Variants in POU2F2 observed in about 807,000 individuals in gnomAD.
POU2F2 encodes the protein POU class 2 homeobox 2.
A neutral mutation model predicts 63.5 loss-of-function variants in POU2F2; 14 were observed. The ratio of observed to expected loss-of-function variants is 0.22; its 90% confidence interval spans 0.15 to 0.34. The LOEUF (loss-of-function observed/expected upper bound fraction) is 0.34. POU2F2 is among the 10% of genes least tolerant of loss of function. POU2F2 has a pLI of 1.00. For synonymous variants in POU2F2, 306 were observed against 348.6 expected (o/e 0.88, Z 1.36); for missense variants, 607 against 815.2 (o/e 0.74, Z 3.11).
chr19:42,095,268 C>G lies in POU2F2; in HGVS notation c.1197+18G>C, dbSNP rs757969104. 5.0e-6 allele frequency: 8 copies of G among 1,606,850 alleles called. No individual in the cohort carries two copies. The highest frequency in any genetic ancestry group is 1.7e-5 in the Admixed American group (1 of 59,160). On this transcript the variant is annotated intron_variant, in intron 11 of 14. Coordinates refer to ENST00000692977, the MANE Select transcript of POU2F2 (RefSeq NM_001394376.1). This position sits in a 1 kb window ranked among gnomAD's most constrained non-coding sequence, Gnocchi z 7.1. ...GGAGCTCTGTGGTCTCCCCACCCCC[C>G]AGGCGGGCTCTTGGTACCATATGGG...
chr19:42,101,044 G>T (rs960151599), intron 5 of POU2F2, among the ~76,000 whole-genome samples: 1 of 151,866 alleles, frequency 6.6e-6, no homozygotes. Context: ...ATTGCAATGA[G>T]CTGAGATCAT....
chr19:42,113,182 T>C (rs116592895), intron 5 of POU2F2, among the ~76,000 whole-genome samples: 6 of 152,100 alleles, frequency 3.9e-5, no homozygotes, highest in Admixed American at 6.6e-5. Flanking sequence ...AAATAGGAAA[T>C]TTTCCCCCCT....
chr19:42,162,502 G>A lies in POU2F2; in HGVS notation c.-69-2110C>T, dbSNP rs1568419731. Among the ~76,000 whole-genome samples the A allele has an allele frequency of 6.6e-6, 1 of 152,174 alleles. No individual in the cohort carries two copies. ...CCCACAGTTACCAGGCACAGGAAGA[G>A]TGGGAGCCAGAATTTGAACCTGATG... On this transcript the variant is annotated intron_variant, in intron 1 of 6. Coordinates refer to the POU2F2 transcript ENST00000524801. The surrounding 1 kb of genome is among the most constrained non-coding windows in gnomAD (Gnocchi z 4.1).
At chr19:42,163,287 A>G (rs751754522) in intron 1 of POU2F2, among the ~76,000 whole-genome samples, 2 of 152,052 alleles carry the variant, frequency 1.3e-5, no homozygotes, top group Non-Finnish European at 2.9e-5. Flanking sequence ...CTGGAGCAGA[A>G]GAACAGGAGG....
At chr19:42,124,733 T>C (rs1390741131) in intron 1 of POU2F2, among the ~76,000 whole-genome samples, 6 of 152,142 alleles carry the variant, frequency 3.9e-5, no homozygotes, top group Non-Finnish European at 5.9e-5. Context: ...GCCACAGTAA[T>C]GAAAAAGAAC....
In POU2F2 at chr19:42,095,432, G is replaced by A. The variant is rs142293929; in HGVS notation, c.1051C>T (p.Leu351=). ...NQKPTSEEIL[L]IAEQLHMEKE... ...TCCATGTGCAGCTGCTCGGCGATCA[G>A]CAGGATCTCCTCTGAGGTAGGCTTC... is the stretch of plus-strand genomic sequence containing the variant. Residue 351 remains leucine (L), a synonymous_variant, in exon 11 of 15, where the codon CTG becomes TTG. Transcript: ENST00000692977. This position sits in a 1 kb window ranked among gnomAD's most constrained non-coding sequence, Gnocchi z 7.1. 6.2e-7 allele frequency: 1 copy of A among 1,613,380 alleles called. No individual in the cohort carries two copies. Among genetic ancestry groups the A allele is most frequent in the Non-Finnish European group, 8.5e-7 (1 of 1,180,022 alleles).
intron 5 of POU2F2, among the ~76,000 whole-genome samples, chr19:42,103,111 C>G (rs1157210536): frequency 6.6e-6 from 1 of 151,956 alleles, no homozygotes; most frequent in African/African-American, 2.4e-5. Context: ...AGTTCTACTT[C>G]TGACACTAAT....
At chr19:42,129,491 C>T (rs568092771) in intron 1 of POU2F2, among the ~76,000 whole-genome samples, 2 of 152,306 alleles carry the variant, frequency 1.3e-5, no homozygotes, top group East Asian at 3.9e-4. Flanking sequence ...TGCATTTCCC[C>T]CCGCCAGTTT....
chr19:42,127,322 C>T (rs1376487543), intron 1 of POU2F2, among the ~76,000 whole-genome samples: 1 of 151,646 alleles, frequency 6.6e-6, no homozygotes, highest in African/African-American at 2.4e-5. Flanking sequence ...CACTGTTCCC[C>T]AATCTGTCCA....
Position 42,095,685 on chromosome 19 carries a change from A to G in POU2F2, c.880T>C (p.Ser294Pro), listed in dbSNP as rs775430957. The part of the protein sequence containing the change: ...EKWLNDAETM[S>P]VDSSLPSPNQ... ...GGGCTGGGCAGGCTTGAGTCCACAG[A>G]CATAGTCTCTGTGCGCCGGGGGAGA... Residue 294 changes from serine to proline, a missense_variant, in exon 10 of 15, where the codon TCT becomes CCT. Ser to Pro is a moderately conservative substitution (Grantham distance 74, BLOSUM62 -1). This residue lies in a region of POU2F2 where 39 missense variants were observed against 36.3 expected (regional missense o/e 1.07). Coordinates refer to ENST00000692977, the MANE Select transcript of POU2F2 (RefSeq NM_001394376.1). The surrounding 1 kb of genome is among the most constrained non-coding windows in gnomAD (Gnocchi z 7.1). The G allele has an allele frequency of 3.1e-6, 5 of 1,611,864 alleles. No individual in the cohort carries two copies. Among genetic ancestry groups the G allele is most frequent in the Non-Finnish European group, 3.4e-6 (4 of 1,179,794 alleles).
At chr19:42,194,825 C>CAGAAAGGG (rs1200415689) in intron 1 of POU2F2, among the ~76,000 whole-genome samples, 11 of 62,134 alleles carry the variant, frequency 1.8e-4, no homozygotes, top group African/African-American at 6.3e-4. Context: ...GGAAGAAAGG[C>CAGAAAGGG]AGAAAGGGAG....
At chr19:42,139,223 G>C (rs569258498) in intron 2 of POU2F2, among the ~76,000 whole-genome samples, 1 of 152,136 alleles carries the variant, frequency 6.6e-6, no homozygotes, top group Non-Finnish European at 1.5e-5. Context: ...GAGAAACTGA[G>C]GCAGGAAAAT....
At chr19:42,098,323 G>C (rs1361748277) in intron 7 of POU2F2, among the ~76,000 whole-genome samples, 1 of 149,816 alleles carries the variant, frequency 6.7e-6, no homozygotes, top group African/African-American at 2.5e-5. Flanking sequence ...TGAGGTAGGA[G>C]AATCGCTTGA....
intron 5 of POU2F2, among the ~76,000 whole-genome samples, chr19:42,108,655 A>G (rs910558488): frequency 1.3e-5 from 2 of 152,186 alleles, no homozygotes; most frequent in African/African-American, 4.8e-5. Context: ...TTGGCTCAGG[A>G]CTAGGGTAAG....
rs1295433695 is a variant in POU2F2 at position 42,095,659 on chromosome 19, G to A, written c.906C>T (p.Pro302=). Residue 302 remains proline, a synonymous_variant, in exon 10 of 15, where the codon CCC becomes CCT. Transcript: ENST00000692977. The surrounding 1 kb of genome is among the most constrained non-coding windows in gnomAD (Gnocchi z 7.1). ...CCAGGCTGGGGCTGCTCAGCTGGTT[G>A]GGGCTGGGCAGGCTTGAGTCCACAG... ...TMSVDSSLPS[P]NQLSSPSLGF... The A allele has an allele frequency of 1.2e-6, 2 of 1,612,482 alleles. No homozygotes were observed. The highest frequency in any genetic ancestry group is 1.7e-4 in the Middle Eastern group (1 of 6,060).
chr19:42,115,535 G>C (rs1209947160), intron 5 of POU2F2, among the ~76,000 whole-genome samples: 1 of 152,164 alleles, frequency 6.6e-6, no homozygotes, highest in African/African-American at 2.4e-5. Context: ...CTGAAACTTG[G>C]CCACAGCTCT....
At chr19:42,177,794 T>C (rs917170170), upstream of POU2F2, among the ~76,000 whole-genome samples, 7 of 148,566 alleles carry the variant, frequency 4.7e-5, no homozygotes, top group African/African-American at 1.5e-4. Flanking sequence ...ACAGAGATAC[T>C]CAGAGACACA....
rs1306906081 is a variant in POU2F2 at position 42,087,049 on chromosome 19, G to C, written c.*4208C>G. The C allele has an allele frequency of 6.6e-6, 1 of 151,514 alleles. No individual in the cohort carries two copies. The highest frequency in any genetic ancestry group is 1.5e-5 in the Non-Finnish European group (1 of 67,910). 9.4% of individuals were successfully genotyped at this position (151,514 alleles called of 1,614,324 possible). A position where few individuals can be genotyped will look rare whatever the true frequency, so the allele number is the denominator to read the frequency against. On this transcript the variant is annotated 3_prime_UTR_variant, in exon 15 of 15. Coordinates refer to ENST00000692977, the MANE Select transcript of POU2F2 (RefSeq NM_001394376.1). ...AAACCGCATGAAGGACTTGCGGCTT[G>C]GAGTTTTTGTGTATTTTTTTTTATT...
At chr19:42,101,706 G>A (rs2077148192) in intron 5 of POU2F2, among the ~76,000 whole-genome samples, 1 of 152,228 alleles carries the variant, frequency 6.6e-6, no homozygotes, top group Non-Finnish European at 1.5e-5. Context: ...GGCTGGGCTT[G>A]GTGGCTCATG....
Sources: allele counts gnomAD v4.1 joint callset (sites outside exome capture counted in the v4.1 genomes callset), GRCh38; gene constraint gnomAD v4.1.1; regional missense constraint gnomAD v4.1.1; non-coding constraint Gnocchi (gnomAD v3.1); transcripts MANE v1.5; gene names NCBI Gene and HGNC (gene_info 2026-07-23, HGNC 2026-07-21).